The following TCERG1L variants were observed in gnomAD, a reference collection of about 807,000 sequenced individuals.
TCERG1L encodes the protein transcription elongation regulator 1 like.
In TCERG1L, 37 loss-of-function variants were observed where a neutral mutation model predicts 56.3. The observed-to-expected ratio is 0.66, with a 90% confidence interval of 0.51 to 0.87. TCERG1L has a LOEUF of 0.87. Ranked by LOEUF, TCERG1L falls within the 40% of genes least tolerant of loss-of-function variation. The pLI is 0.00. For missense variants in TCERG1L, 799 were observed against 774.2 expected, an observed-to-expected ratio of 1.03 and a Z score of -0.38; for synonymous variants, 324 against 326.3, an observed-to-expected ratio of 0.99 and a Z score of 0.08.
At chr10:131,226,501 T>C (rs996513916) in intron 4 of TCERG1L, among the ~76,000 whole-genome samples, 2 of 152,196 alleles carry the variant, frequency 1.3e-5, no homozygotes, top group African/African-American at 4.8e-5. Flanking sequence ...GATTGAGTTT[T>C]CATGTTTTCC....
In TCERG1L at chr10:131,260,463, G is replaced by A. The variant is rs563788805; in HGVS notation, c.671-19C>T. On this transcript the variant is annotated intron_variant, in intron 3 of 11. Coordinates refer to ENST00000368642, the MANE Select transcript of TCERG1L (RefSeq NM_174937.4). This position sits in a 1 kb window ranked among gnomAD's most constrained non-coding sequence, Gnocchi z 5.8. ...CAGCCACCTGCGGAAGAGGGATGCA[G>A]AGGGTCAGCAAGGGGACGACCAGGG... 20 of 1,384,354 alleles carry A rather than the reference G, an allele frequency of 1.4e-5. 1 individual carries two copies. The South Asian group carries it at 2.4e-4, about 17-fold the overall frequency. The allele number at this position is 1,384,354 out of a possible 1,614,324, so 85.8% of individuals were successfully genotyped here. A position where few individuals can be genotyped will look rare whatever the true frequency, so the allele number is the denominator to read the frequency against.
chr10:131,141,565 T>C (rs11017744), intron 7 of TCERG1L, among the ~76,000 whole-genome samples: 27,531 of 152,112 alleles, frequency 0.18, 2,842 homozygotes, highest in South Asian at 0.27. Context: ...AATAAAGGAT[T>C]GGTTCAGAAG....
intron 4 of TCERG1L, among the ~76,000 whole-genome samples, chr10:131,177,391 A>G (rs918891878): frequency 6.6e-6 from 1 of 152,368 alleles, no homozygotes; most frequent in South Asian, 2.1e-4. Flanking sequence ...TCCGTGTGCC[A>G]GAAAAGAATG....
At chr10:131,254,935 T>C (rs1435060178) in intron 4 of TCERG1L, among the ~76,000 whole-genome samples, 1 of 152,052 alleles carries the variant, frequency 6.6e-6, no homozygotes, top group Admixed American at 6.5e-5. Flanking sequence ...GAGGGGTTCA[T>C]TGGGAAGTGG....
intron 3 of TCERG1L, among the ~76,000 whole-genome samples, chr10:131,271,247 C>T (rs531180517): frequency 1.3e-5 from 2 of 152,288 alleles, no homozygotes; most frequent in African/African-American, 4.8e-5. Flanking sequence ...GGTGGGAGCC[C>T]GGTGCAGTGG....
In TCERG1L at chr10:131,093,111, C is replaced by T; in HGVS notation, c.*51G>A. ...TCCGTCTCCACCGTGACCCCCTCGC[C>T]CCCGGCACGCCCAGGGTCAACCCCC... On this transcript the variant is annotated 3_prime_UTR_variant, in exon 12 of 12. Coordinates refer to ENST00000368642, the MANE Select transcript of TCERG1L (RefSeq NM_174937.4). 6.3e-7 allele frequency: 1 copy of T among 1,588,926 alleles called. No homozygotes were observed. Among genetic ancestry groups the T allele is most frequent in the African/African-American group, 1.4e-5 (1 of 74,034 alleles).
chr10:131,209,368 C>T (rs1178542607), intron 4 of TCERG1L, among the ~76,000 whole-genome samples: 1 of 152,142 alleles, frequency 6.6e-6, no homozygotes, highest in Admixed American at 6.5e-5. Context: ...GAAACGTGGA[C>T]CACGTTTACT....
intron 4 of TCERG1L, among the ~76,000 whole-genome samples, chr10:131,204,210 C>A (rs888999798): frequency 1.3e-5 from 2 of 152,228 alleles, no homozygotes; most frequent in Non-Finnish European, 2.9e-5. Flanking sequence ...TCATCAGGCA[C>A]CAGATCTGCT....
intron 6 of TCERG1L, among the ~76,000 whole-genome samples, chr10:131,147,530 G>C (rs763682993): frequency 2.6e-5 from 4 of 152,244 alleles, no homozygotes; most frequent in Non-Finnish European, 5.9e-5. Context: ...AGTCGTGTCA[G>C]GGTGCTATTA....
At chr10:131,108,750 C>T (rs930998945) in intron 9 of TCERG1L, among the ~76,000 whole-genome samples, 33 of 152,174 alleles carry the variant, frequency 2.2e-4, no homozygotes, top group African/African-American at 5.8e-4. Context: ...GATGAGGTGC[C>T]GGCAGGGGCT....
At chr10:131,137,174 G>A (rs4751325) in intron 7 of TCERG1L, among the ~76,000 whole-genome samples, 38,934 of 150,732 alleles carry the variant, frequency 0.26, 5,511 homozygotes, top group East Asian at 0.35. Context: ...ACAAAAAACC[G>A]AGGGCACCCT....
At chr10:131,098,789 G>A (rs1044713835) in intron 10 of TCERG1L, among the ~76,000 whole-genome samples, 2 of 152,190 alleles carry the variant, frequency 1.3e-5, no homozygotes, top group East Asian at 1.9e-4. Flanking sequence ...TCCTCACTGT[G>A]CCCTCTGAGC....
chr10:131,298,679 G>C lies in TCERG1L; in HGVS notation c.670+9532C>G, dbSNP rs148325698. Among the ~76,000 whole-genome samples, 1,175 of 152,330 alleles carry C rather than the reference G, an allele frequency of 7.7e-3. 16 individuals carry two copies. Among genetic ancestry groups the C allele is most frequent in the African/African-American group, 0.026 (1,098 of 41,574 alleles). On this transcript the variant is annotated intron_variant, in intron 3 of 11. Transcript: ENST00000368642. ...TCTGCCCAGCTCGGCCTCCCAAAGTGCTGGGATTAGAGGCATGAGCCACGG... is the reference window on the plus strand; with the variant it reads ...TCTGCCCAGCTCGGCCTCCCAAAGTCCTGGGATTAGAGGCATGAGCCACGG...
intron 4 of TCERG1L, among the ~76,000 whole-genome samples, chr10:131,227,129 G>T (rs149448353): frequency 6.6e-6 from 1 of 152,244 alleles, no homozygotes; most frequent in African/African-American, 2.4e-5. Flanking sequence ...TCTCCATAAT[G>T]TCCCATAGGG....
chr10:131,191,210 C>T (rs2133462559), intron 4 of TCERG1L, among the ~76,000 whole-genome samples: 1 of 144,234 alleles, frequency 6.9e-6, no homozygotes, highest in East Asian at 1.9e-4. Context: ...AACTACAAAA[C>T]ACTGCTGAAA....
chr10:131,107,213 C>T (rs1845360835), intron 9 of TCERG1L, among the ~76,000 whole-genome samples: 1 of 152,214 alleles, frequency 6.6e-6, no homozygotes, highest in Non-Finnish European at 1.5e-5. Context: ...TGGCACACAC[C>T]CACCTCACGG....
chr10:131,142,518 C>G (rs1046246555), intron 7 of TCERG1L, among the ~76,000 whole-genome samples: 1 of 152,224 alleles, frequency 6.6e-6, no homozygotes, highest in Non-Finnish European at 1.5e-5. Flanking sequence ...ATGGCTAAAG[C>G]GTTTACAGAG....
intron 4 of TCERG1L, among the ~76,000 whole-genome samples, chr10:131,188,706 ACTTTT>A (rs1348153836): frequency 6.6e-6 from 1 of 152,190 alleles, no homozygotes; most frequent in Non-Finnish European, 1.5e-5. Context: ...ATGACTTTGC[ACTTTT>A]CTTTTAAAAC....
In TCERG1L at chr10:131,203,753, G is replaced by A. The variant is rs2944481; in HGVS notation, c.857-36868C>T. 5.3e-5 allele frequency among the ~76,000 whole-genome samples: 8 copies of A among 152,266 alleles called. 2 individuals carry two copies. The South Asian group carries it at 1.2e-3, about 24-fold the overall frequency. On this transcript the variant is annotated intron_variant, in intron 4 of 11. Transcript: ENST00000368642. The stretch of plus-strand genomic sequence containing the variant: ...CTGCTGCTTCTGCTCACATCCCGCC[G>A]GCGAGCGCTAGCCCTGGGGGCAGCC...
Sources: allele counts gnomAD v4.1 joint callset (sites outside exome capture counted in the v4.1 genomes callset), GRCh38; gene constraint gnomAD v4.1.1; non-coding constraint Gnocchi (gnomAD v3.1); transcripts MANE v1.5; gene names NCBI Gene and HGNC (gene_info 2026-07-23, HGNC 2026-07-21).